Variants in IRAG1 observed in about 807,000 individuals in gnomAD.
The protein encoded by IRAG1 is IP3R-associated cGMP kinase substrate.
A neutral mutation model predicts 106.2 loss-of-function variants in IRAG1; 62 were observed. The observed-to-expected ratio is 0.58, with a 90% CI of 0.48 to 0.72. The LOEUF is 0.72. IRAG1 is among the 30% of genes least tolerant of loss of function. The probability of loss-of-function intolerance (pLI) is 0.00; values close to 1 mark genes in which losing one functional copy is unlikely to be tolerated. For synonymous variants in IRAG1, 462 were observed against 443.9 expected (o/e 1.04, Z -0.51); for missense variants, 1,064 against 1,140.7 (o/e 0.93, Z 0.97).
chr11:10,582,039 A>G (rs2134096517), intron 18 of IRAG1, 53 bp from the exon 19 acceptor site: 2 of 1,561,504 alleles, frequency 1.3e-6, no homozygotes, highest in East Asian at 2.3e-5. Flanking sequence ...GTGGAGGCCT[A>G]AAAACAAAAC....
chr11:10,624,634 G>A (rs1308558719), intron 9 of IRAG1, among the ~76,000 whole-genome samples: 1 of 152,092 alleles, frequency 6.6e-6, no homozygotes, highest in African/African-American at 2.4e-5. Context: ...GGAAAGGAAG[G>A]GGCCAGCAGA....
intron 14 of IRAG1, among the ~76,000 whole-genome samples, chr11:10,602,279 A>G (rs1380539800): frequency 1.3e-5 from 2 of 152,272 alleles, no homozygotes; most frequent in Non-Finnish European, 1.5e-5. Flanking sequence ...TCATGTAACC[A>G]GAGCAGCAGG....
At chr11:10,643,925 T>C (rs1397511319) in intron 2 of IRAG1, among the ~76,000 whole-genome samples, 1 of 152,236 alleles carries the variant, frequency 6.6e-6, no homozygotes, top group Non-Finnish European at 1.5e-5. Flanking sequence ...AAAACAATTT[T>C]TATATGCATT....
intron 12 of IRAG1, among the ~76,000 whole-genome samples, chr11:10,606,456 T>C (rs1244957049): frequency 6.6e-6 from 1 of 152,220 alleles, no homozygotes; most frequent in African/African-American, 2.4e-5. Context: ...TGGTTTTGTG[T>C]ATCTAAGTCG....
rs1856443054 is a variant in IRAG1 at position 10,628,543 on chromosome 11, C to G, written c.652+208G>C. 6.6e-6 allele frequency among the ~76,000 whole-genome samples: 1 copy of G among 152,228 alleles called. No homozygotes were observed. The highest frequency in any genetic ancestry group is 2.4e-5 in the African/African-American group (1 of 41,454). On this transcript the variant is annotated intron_variant, in intron 6 of 20. Coordinates refer to ENST00000423302, the MANE Select transcript of IRAG1 (RefSeq NM_130385.4). The surrounding 1 kb of genome is among the most constrained non-coding windows in gnomAD (Gnocchi z 4.1). ...GGTACACCTGCCTCCCGACACAAGC[C>G]CAAGATGCTAACAGAAAGTCTATCT...
intron 18 of IRAG1, among the ~76,000 whole-genome samples, chr11:10,583,051 C>T (rs1851557530): frequency 6.6e-6 from 1 of 152,140 alleles, no homozygotes; most frequent in Non-Finnish European, 1.5e-5. Flanking sequence ...TAAAAAGAGG[C>T]AGTGTGGCAG....
intron 1 of IRAG1, among the ~76,000 whole-genome samples, chr11:10,677,009 T>G (rs1860734932): frequency 6.6e-6 from 1 of 152,208 alleles, no homozygotes; most frequent in African/African-American, 2.4e-5. Flanking sequence ...AGAAGATGCC[T>G]TGACTCCCCA....
At chr11:10,638,797 A>T (rs1857317040) in intron 2 of IRAG1, among the ~76,000 whole-genome samples, 1 of 152,212 alleles carries the variant, frequency 6.6e-6, no homozygotes, top group Non-Finnish European at 1.5e-5. Context: ...GCCAAACATG[A>T]GCTAATTCCA....
At position 10,632,060 on chromosome 11, in the gene IRAG1, C is replaced by G; in HGVS notation, c.331G>C (p.Val111Leu). 1 of 1,612,544 alleles carries G rather than the reference C, an allele frequency of 6.2e-7. No individual in the cohort carries two copies. The highest frequency in any genetic ancestry group is 8.5e-7 in the Non-Finnish European group (1 of 1,178,646). ...GAAAGCCTCTTGTGGGGACTGTGAA[C>G]TCTGAAAGACAGAACAGTCATCTTG... Reference protein sequence around the residue: ...GETDKNLANRVHSPHKRLSHR... With the variant: ...GETDKNLANRLHSPHKRLSHR... Residue 111 changes from valine (V) to leucine (L), a missense_variant and splice_region_variant, in exon 4 of 21, where the codon GTT (valine) becomes CTT (leucine). Transcript: ENST00000423302.
chr11:10,636,638 C>T (rs970732897), intron 2 of IRAG1, among the ~76,000 whole-genome samples: 2 of 152,042 alleles, frequency 1.3e-5, no homozygotes, highest in Admixed American at 6.5e-5. Flanking sequence ...CTAAAGGGCT[C>T]GCAGTCAAGC....
At chr11:10,643,176 C>CAAAA (rs10679269) in intron 2 of IRAG1, among the ~76,000 whole-genome samples, 712 of 59,872 alleles carry the variant, frequency 0.012, 64 homozygotes, top group Non-Finnish European at 0.014. Context: ...GACTCCGTCT[C>CAAAA]AAAAAAAAAA....
chr11:10,663,352 A>G (rs1011233919), intron 1 of IRAG1, among the ~76,000 whole-genome samples: 3 of 152,146 alleles, frequency 2.0e-5, no homozygotes, highest in Non-Finnish European at 4.4e-5. Flanking sequence ...AGAGGTCATC[A>G]GGGTCTATTA....
At chr11:10,584,354 C>A (rs1851703137) in intron 18 of IRAG1, among the ~76,000 whole-genome samples, 1 of 152,014 alleles carries the variant, frequency 6.6e-6, no homozygotes, top group Non-Finnish European at 1.5e-5. Context: ...GAAACCACAA[C>A]CCATTGTGAA....
At position 10,604,514 on chromosome 11, in the gene IRAG1, C is replaced by A. The variant is rs374023004; in HGVS notation, c.1634G>T (p.Arg545Ile). 28 of 1,613,934 alleles carry A rather than the reference C, an allele frequency of 1.7e-5. No homozygotes were observed. The highest frequency in any genetic ancestry group is 8.0e-5 in the African/African-American group (6 of 74,926). The change falls in exon 13 of 21, where the codon AGA becomes ATA. Residue 545 changes from arginine to isoleucine, a missense_variant. Coordinates refer to ENST00000423302, the MANE Select transcript of IRAG1 (RefSeq NM_130385.4). ...NVFVQLSLAFRNDSYTLESRI... is the reference protein window; with the variant it reads ...NVFVQLSLAFINDSYTLESRI... ...AGATTCCAGAGTGTAGCTGTCATTT[C>A]TAAAGGCCAAGGACAGTTGCACAAA...
intron 12 of IRAG1, among the ~76,000 whole-genome samples, chr11:10,606,522 C>A (rs1439039218): frequency 6.6e-6 from 1 of 152,228 alleles, no homozygotes; most frequent in African/African-American, 2.4e-5. Context: ...CAACTACCTT[C>A]TCCCTTTTGC....
chr11:10,651,048 A>T (rs1339047610), intron 2 of IRAG1, among the ~76,000 whole-genome samples: 2 of 152,202 alleles, frequency 1.3e-5, no homozygotes, highest in Admixed American at 6.5e-5. Flanking sequence ...CGTCTATCCC[A>T]CCTGGCTCAG....
intron 1 of IRAG1, among the ~76,000 whole-genome samples, chr11:10,661,271 C>T (rs1326272593): frequency 2.0e-5 from 3 of 152,250 alleles, no homozygotes; most frequent in Non-Finnish European, 2.9e-5. Flanking sequence ...TTCTGTCCTC[C>T]TTCTATACTT....
At chr11:10,652,660 C>T (rs1858617007) in intron 1 of IRAG1, among the ~76,000 whole-genome samples, 1 of 152,168 alleles carries the variant, frequency 6.6e-6, no homozygotes, top group South Asian at 2.1e-4. Flanking sequence ...AAGTCACTTG[C>T]CCCAAATCAT....
At chr11:10,646,703 TACTGCGTAACAGGGCTGAGCATC>T (rs1193100731) in intron 2 of IRAG1, among the ~76,000 whole-genome samples, 2 of 152,168 alleles carry the variant, frequency 1.3e-5, no homozygotes, top group Admixed American at 6.5e-5. Flanking sequence ...TCACAAGAGC[TACTGCGTAACAGGGCTGAGCATC>T]CATGTCTGCC....
Sources: gnomAD v4.1 joint callset for allele counts (sites outside exome capture counted in the v4.1 genomes callset) on GRCh38, gnomAD v4.1.1 for gene constraint, Gnocchi (gnomAD v3.1) non-coding constraint, MANE v1.5 for transcripts, NCBI Gene and HGNC (gene_info 2026-07-23, HGNC 2026-07-21) for gene names.